Variants in EDA observed in about 807,000 individuals in gnomAD.
EDA encodes the protein ectodysplasin-A.
EDA carries 2 observed loss-of-function variants against 23.6 expected under a neutral mutation model. The observed-to-expected ratio is 0.08, with a 90% CI of 0.03 to 0.27. The LOEUF (loss-of-function observed/expected upper bound fraction) is 0.27. Among genes scored for constraint, EDA ranks in the 10% least tolerant of loss-of-function variants. The pLI is 1.00. For missense variants in EDA, 229 were observed against 324.2 expected (o/e 0.71, Z 2.26); for synonymous variants, 131 against 132.0 (o/e 0.99, Z 0.05).
chrX:69,750,437 G>C (rs2013798250), intron 1 of EDA, among the ~76,000 whole-genome samples: 1 of 109,977 alleles, frequency 9.1e-6, no homozygotes, highest in Non-Finnish European at 1.9e-5. Context: ...GGACATTTGT[G>C]TTGGTTCCAA....
chrX:69,840,623 G>GT (rs1457643699), intron 1 of EDA, among the ~76,000 whole-genome samples: 15 of 83,841 alleles, frequency 1.8e-4, no homozygotes, highest in African/African-American at 6.0e-4. Flanking sequence ...TTTTGTTAAG[G>GT]GGAAAATATA....
intron 1 of EDA, among the ~76,000 whole-genome samples, chrX:69,739,495 T>C: frequency 9.0e-6 from 1 of 111,491 alleles, no homozygotes; most frequent in African/African-American, 3.2e-5. Context: ...ATTATTGATG[T>C]AGTTGGATTT....
intron 2 of EDA, among the ~76,000 whole-genome samples, chrX:69,969,919 C>T (rs1039537063): frequency 9.0e-6 from 1 of 110,903 alleles, no homozygotes; most frequent in African/African-American, 3.3e-5. Flanking sequence ...AGCCGGGGAA[C>T]ATAGCAAGAC....
chrX:69,987,607 G>A (rs1351939193), intron 2 of EDA, among the ~76,000 whole-genome samples: 1 of 81,671 alleles, frequency 1.2e-5, no homozygotes, highest in Non-Finnish European at 2.6e-5. Context: ...AGAAAAGCCT[G>A]TTTCCTGTAT....
intron 3 of EDA, 24 bp from the exon 4 acceptor site, chrX:70,027,833 G>A: frequency 1.4e-6 from 1 of 693,927 alleles, no homozygotes; most frequent in Non-Finnish European, 2.2e-6. Flanking sequence ...AAAAAAAAAA[G>A]TAACACTGAA....
At position 70,038,584 on chromosome X, in the gene EDA, G is replaced by A. The variant is rs764564421; in HGVS notation, c.*2975G>A. 4 of 111,098 alleles carry A rather than the reference G, an allele frequency of 3.6e-5. No individual in the cohort carries two copies. The highest frequency in any genetic ancestry group is 3.9e-4 in the South Asian group (1 of 2,579). The allele number at this position is 111,098 out of a possible 1,213,427, so 9.2% of individuals were successfully genotyped here. A position where few individuals can be genotyped will look rare whatever the true frequency, so the allele number is the denominator to read the frequency against. On this transcript the variant is annotated 3_prime_UTR_variant, in exon 8 of 8. Coordinates refer to ENST00000374552, the MANE Select transcript of EDA (RefSeq NM_001399.5). ...CAAGCTGGCACAAAAGACAGCTGGC[G>A]GAGGCTGCTCGGCTACTGGTTACCT... is the stretch of plus-strand genomic sequence containing the variant.
chrX:69,987,369 G>A (rs1332146895), intron 2 of EDA, among the ~76,000 whole-genome samples: 2 of 105,770 alleles, frequency 1.9e-5, no homozygotes, highest in Admixed American at 1.0e-4. Flanking sequence ...CACCAAGGTG[G>A]AGAAACCCCA....
chrX:69,638,148 C>T (rs1932799499), intron 1 of EDA, among the ~76,000 whole-genome samples: 1 of 111,896 alleles, frequency 8.9e-6, no homozygotes, highest in African/African-American at 3.2e-5. Context: ...CCCAAATTAC[C>T]TGAAAAGCCT....
At chrX:70,009,564 G>GGTTGT (rs750383952) in intron 2 of EDA, among the ~76,000 whole-genome samples, 6 of 107,505 alleles carry the variant, frequency 5.6e-5, no homozygotes, top group African/African-American at 1.4e-4. Context: ...TGTTTGTTTG[G>GGTTGT]GTTTTGTTTT....
intron 1 of EDA, among the ~76,000 whole-genome samples, chrX:69,890,453 G>C (rs1327821609): frequency 1.8e-5 from 2 of 109,627 alleles, no homozygotes; most frequent in Non-Finnish European, 3.8e-5. Context: ...AACAAAGCTA[G>C]AGACATCATG....
intron 1 of EDA, among the ~76,000 whole-genome samples, chrX:69,780,213 A>G (rs58496409): frequency 0.019 from 2,106 of 111,416 alleles, 67 homozygotes; most frequent in African/African-American, 0.063. Flanking sequence ...GAAATGTTGT[A>G]TATGTATATA....
chrX:69,782,420 A>C (rs955292460), intron 1 of EDA, among the ~76,000 whole-genome samples: 2 of 107,167 alleles, frequency 1.9e-5, no homozygotes, highest in Non-Finnish European at 3.8e-5. Flanking sequence ...GGAGACTTCT[A>C]CTGAGAGGAG....
At chrX:70,021,233 C>T (rs1275269163) in intron 2 of EDA, among the ~76,000 whole-genome samples, 1 of 112,002 alleles carries the variant, frequency 8.9e-6, no homozygotes, top group African/African-American at 3.2e-5. Flanking sequence ...CTTCCATACA[C>T]ATACTCTGTA....
intron 1 of EDA, among the ~76,000 whole-genome samples, chrX:69,674,469 T>C (rs760657160): frequency 8.0e-5 from 9 of 112,551 alleles, no homozygotes; most frequent in African/African-American, 2.3e-4. Flanking sequence ...TCACTACTTT[T>C]TGTAGTTGGA....
chrX:70,019,718 G>A (rs1415577586), intron 2 of EDA, among the ~76,000 whole-genome samples: 1 of 111,685 alleles, frequency 9.0e-6, no homozygotes, highest in Non-Finnish European at 1.9e-5. Context: ...ACAAAGAGGG[G>A]AACAATAGAC....
intron 1 of EDA, among the ~76,000 whole-genome samples, chrX:69,730,341 G>C (rs955460195): frequency 6.0e-5 from 6 of 99,752 alleles, no homozygotes; most frequent in Non-Finnish European, 1.2e-4. Context: ...CCTTGACAAG[G>C]CTTCTCAAAG....
intron 1 of EDA, among the ~76,000 whole-genome samples, chrX:69,848,813 C>A (rs757234475): frequency 4.5e-5 from 5 of 111,262 alleles, no homozygotes; most frequent in African/African-American, 1.6e-4. Flanking sequence ...TTAGTCACAA[C>A]TGAATATGAG....
intron 1 of EDA, among the ~76,000 whole-genome samples, chrX:69,794,189 A>T (rs5936500): frequency 0.21 from 23,191 of 109,598 alleles, 1,891 homozygotes; most frequent in East Asian, 0.27. Context: ...AGGACCATAC[A>T]CAAGCACAGA....
chrX:69,762,206 ATAG>A (rs1441448064), intron 1 of EDA, among the ~76,000 whole-genome samples: 3 of 111,736 alleles, frequency 2.7e-5, no homozygotes, highest in African/African-American at 9.8e-5. Context: ...TTTTTCGTGA[ATAG>A]TAGTCTAGAT....
Sources: allele counts gnomAD v4.1 joint callset (sites outside exome capture counted in the v4.1 genomes callset), GRCh38; gene constraint gnomAD v4.1.1; transcripts MANE v1.5; gene names NCBI Gene and HGNC (gene_info 2026-07-23, HGNC 2026-07-21).